ITGA9: variants seen among roughly 807,000 people sequenced by gnomAD.
ITGA9 encodes integrin alpha-9.
A neutral mutation model predicts 127.8 loss-of-function variants in ITGA9; 56 were observed. That is an observed-to-expected ratio of 0.44 (90% confidence interval 0.35 to 0.55). ITGA9 has a LOEUF of 0.55. Ranked by LOEUF, ITGA9 falls within the 20% of genes least tolerant of loss-of-function variation. The pLI, the probability that ITGA9 is intolerant of heterozygous loss-of-function variation, is 0.00. For synonymous variants in ITGA9, 508 were observed against 514.5 expected (o/e 0.99, Z 0.17); for missense variants, 1,196 against 1,347.1 (o/e 0.89, Z 1.76).
At chr3:37,748,982 A>G in intron 22 of ITGA9, 1 of 503,670 alleles carries the variant, frequency 2.0e-6, no homozygotes, top group African/African-American at 2.0e-5. Context: ...CCATTGACAT[A>G]GCTTCTTGTA....
chr3:37,612,243 G>C (rs1444547209), intron 15 of ITGA9, among the ~76,000 whole-genome samples: 13 of 152,200 alleles, frequency 8.5e-5, no homozygotes, highest in African/African-American at 2.9e-4. Context: ...AAGCGCACGT[G>C]GATCCTTTCT....
Position 37,780,796 on chromosome 3 carries a change from A to G in ITGA9, c.2787+775A>G, listed in dbSNP as rs1369693402. On this transcript the variant is annotated intron_variant, in intron 25 of 27. Coordinates refer to ENST00000264741, the MANE Select transcript of ITGA9 (RefSeq NM_002207.3). Reference sequence around the variant, plus strand: ...TAATTTATCTTCCCATCAACAGTGTATAAGTGTTCCCTTTTCTTTGCATCC... The same window carrying G: ...TAATTTATCTTCCCATCAACAGTGTGTAAGTGTTCCCTTTTCTTTGCATCC... Among the ~76,000 whole-genome samples the G allele has an allele frequency of 2.6e-5, 4 of 152,208 alleles. 1 individual carries two copies. The highest frequency in any genetic ancestry group is 4.1e-4 in the South Asian group (2 of 4,836).
At chr3:37,544,170 A>T (rs750467505) in intron 15 of ITGA9, among the ~76,000 whole-genome samples, 1 of 152,194 alleles carries the variant, frequency 6.6e-6, no homozygotes, top group East Asian at 1.9e-4. Flanking sequence ...CTGAGAAGTT[A>T]TCCTTTGTTC....
At chr3:37,625,948 C>T (rs1235840896) in intron 15 of ITGA9, among the ~76,000 whole-genome samples, 1 of 152,154 alleles carries the variant, frequency 6.6e-6, no homozygotes, top group Non-Finnish European at 1.5e-5. Context: ...TTTCAGACTT[C>T]TTAATTAAAA....
At chr3:37,499,739 G>C (rs1460835401) in intron 5 of ITGA9, among the ~76,000 whole-genome samples, 1 of 152,204 alleles carries the variant, frequency 6.6e-6, no homozygotes, top group Non-Finnish European at 1.5e-5. Context: ...TGAAGGGAGA[G>C]GGGTGTGAGC....
At chr3:37,590,117 T>A (rs1559543680) in intron 15 of ITGA9, among the ~76,000 whole-genome samples, 1 of 152,120 alleles carries the variant, frequency 6.6e-6, no homozygotes, top group Non-Finnish European at 1.5e-5. Context: ...AGCTCCTTTT[T>A]AAAAAGGAGT....
chr3:37,773,253 C>T lies in ITGA9; in HGVS notation c.2542-4139C>T, dbSNP rs72860983. On this transcript the variant is annotated intron_variant, in intron 23 of 27. Transcript: ENST00000264741. Reference sequence around the variant, plus strand: ...AGGGATGGATGCATCCTGCAGGGCTCAGAGGTTCTGTTTCTCTAAACCCAG... The same window carrying T: ...AGGGATGGATGCATCCTGCAGGGCTTAGAGGTTCTGTTTCTCTAAACCCAG... Among the ~76,000 whole-genome samples, 978 of 152,340 alleles carry T rather than the reference C, an allele frequency of 6.4e-3. 15 individuals are homozygous for T. Among genetic ancestry groups the T allele is most frequent in the African/African-American group, 0.022 (918 of 41,576 alleles).
At chr3:37,692,670 G>A (rs1700844923) in intron 18 of ITGA9, among the ~76,000 whole-genome samples, 1 of 151,894 alleles carries the variant, frequency 6.6e-6, no homozygotes, top group African/African-American at 2.4e-5. Context: ...AAGTATTGGA[G>A]TTTTTGGTTT....
At chr3:37,745,095 T>C (rs1696485216) in intron 22 of ITGA9, among the ~76,000 whole-genome samples, 1 of 152,220 alleles carries the variant, frequency 6.6e-6, no homozygotes, top group Admixed American at 6.5e-5. Context: ...TGTGGCTAAA[T>C]AATAATTATT....
At chr3:37,621,790 T>C (rs1474173654) in intron 15 of ITGA9, among the ~76,000 whole-genome samples, 1 of 152,202 alleles carries the variant, frequency 6.6e-6, no homozygotes, top group Non-Finnish European at 1.5e-5. Flanking sequence ...AATGATGATA[T>C]CCATTACTAT....
chr3:37,512,168 T>TCTTTC lies in ITGA9; in HGVS notation c.898-1591_898-1590insCCTTT, dbSNP rs1698934408. ...TCTTTTCTTTTCTTTTCTTTTCTTT[T>TCTTTC]CTTTTCTTTTCTTTTCTTTTCTTTT... On this transcript the variant is annotated intron_variant, in intron 8 of 27. Coordinates refer to ENST00000264741, the MANE Select transcript of ITGA9 (RefSeq NM_002207.3). Among the ~76,000 whole-genome samples, 2 of 25,382 alleles carry TCTTTC rather than the reference T, an allele frequency of 7.9e-5. 1 individual carries two copies. Among genetic ancestry groups the TCTTTC allele is most frequent in the African/African-American group, 2.7e-4 (2 of 7,536 alleles). The allele number at this position is 25,382 out of a possible 152,430, so 16.7% of individuals were successfully genotyped here.
chr3:37,489,295 A>G (rs575582964), intron 4 of ITGA9, among the ~76,000 whole-genome samples: 2 of 152,368 alleles, frequency 1.3e-5, no homozygotes, highest in South Asian at 4.1e-4. Flanking sequence ...TGTGAAGCAT[A>G]AGGGAGTGGC....
intron 15 of ITGA9, among the ~76,000 whole-genome samples, chr3:37,615,036 G>C (rs910347398): frequency 1.1e-4 from 16 of 152,236 alleles, no homozygotes; most frequent in South Asian, 2.1e-4. Context: ...GCATCCCTGT[G>C]TTGTGCCAGT....
intron 15 of ITGA9, among the ~76,000 whole-genome samples, chr3:37,599,215 A>G (rs893636204): frequency 6.6e-6 from 1 of 152,210 alleles, no homozygotes; most frequent in Non-Finnish European, 1.5e-5. Context: ...ACAGCCATTT[A>G]TTATTGTGTA....
intron 15 of ITGA9, among the ~76,000 whole-genome samples, chr3:37,589,177 C>T (rs1368424132): frequency 1.3e-5 from 2 of 152,192 alleles, no homozygotes; most frequent in African/African-American, 2.4e-5. Flanking sequence ...CTTCATACAG[C>T]ACTTGGCTTT....
intron 26 of ITGA9, among the ~76,000 whole-genome samples, chr3:37,789,268 A>G (rs1474733659): frequency 6.6e-6 from 1 of 152,240 alleles, no homozygotes; most frequent in Admixed American, 6.5e-5. Context: ...ACATTTCCCA[A>G]GGGGTCATCT....
At chr3:37,556,269 G>T (rs563592744) in intron 15 of ITGA9, among the ~76,000 whole-genome samples, 19 of 152,214 alleles carry the variant, frequency 1.2e-4, no homozygotes, top group Non-Finnish European at 2.1e-4. Context: ...CTTAGTAGGG[G>T]TCTGGTAAAC....
intron 2 of ITGA9, among the ~76,000 whole-genome samples, chr3:37,472,615 C>T (rs947803092): frequency 1.3e-5 from 2 of 152,130 alleles, no homozygotes; most frequent in East Asian, 1.9e-4. Flanking sequence ...AGGCTGGTCT[C>T]GAACTTCTGG....
intron 14 of ITGA9, among the ~76,000 whole-genome samples, chr3:37,535,022 A>C (rs1699194755): frequency 6.6e-6 from 1 of 152,384 alleles, no homozygotes; most frequent in Admixed American, 6.5e-5. Flanking sequence ...TCTGTTAAAA[A>C]ACATTTTTAA....
Sources: allele counts gnomAD v4.1 joint callset (sites outside exome capture counted in the v4.1 genomes callset), GRCh38; gene constraint gnomAD v4.1.1; transcripts MANE v1.5; gene names NCBI Gene and HGNC (gene_info 2026-07-23, HGNC 2026-07-21).